The following SNAP47 variants were observed in gnomAD, a reference collection of about 807,000 sequenced individuals.
SNAP47 encodes synaptosome associated protein 47.
A neutral mutation model predicts 31.4 loss-of-function variants in SNAP47; 20 were observed. That is an observed-to-expected ratio of 0.64 (90% CI 0.45 to 0.93). The LOEUF (loss-of-function observed/expected upper bound fraction) is 0.93, where lower values mean the gene tolerates loss of function less well. Ranked by LOEUF, SNAP47 falls within the 40% of genes least tolerant of loss-of-function variation. SNAP47 has a pLI of 0.00. For synonymous variants in SNAP47, 194 were observed against 213.4 expected, an observed-to-expected ratio of 0.91 and a Z score of 0.79; for missense variants, 492 against 528.5, an observed-to-expected ratio of 0.93 and a Z score of 0.68.
At chr1:227,774,722 TA>T (rs1664047973) in intron 4 of SNAP47, among the ~76,000 whole-genome samples, 1 of 152,274 alleles carries the variant, frequency 6.6e-6, no homozygotes, top group South Asian at 2.1e-4. Flanking sequence ...AGCCACATTT[TA>T]GTGCATTTTC....
chr1:227,729,449 T>C (rs577409468), intron 1 of SNAP47, among the ~76,000 whole-genome samples: 1 of 152,074 alleles, frequency 6.6e-6, no homozygotes, highest in Non-Finnish European at 1.5e-5. Context: ...GCTGGCACAA[T>C]CACCTGCCAA....
chr1:227,773,985 A>G (rs1028311497), intron 4 of SNAP47, among the ~76,000 whole-genome samples: 1 of 152,162 alleles, frequency 6.6e-6, no homozygotes, highest in East Asian at 1.9e-4. Flanking sequence ...TGGTTGTTTA[A>G]TTTGTAAACA....
Position 227,747,970 on chromosome 1 carries a change from C to T in SNAP47, c.234C>T (p.His78=). The change falls in exon 2 of 5, where the codon CAC becomes CAT. Residue 78 remains histidine, a synonymous_variant. Transcript: ENST00000617596. ...TCCTGGAGAAGGGCCATGCCAAGCA[C>T]TGGTTCAGCTCCCTGCGGCCAAGTC... is the stretch of plus-strand genomic sequence containing the variant. ...ITILEKGHAK[H]WFSSLRPSRN... 2 of 1,614,242 alleles carry T rather than the reference C, an allele frequency of 1.2e-6. No individual in the cohort carries two copies. The highest frequency in any genetic ancestry group is 1.7e-6 in the Non-Finnish European group (2 of 1,180,052).
chr1:227,760,420 T>C (rs1662988458), intron 3 of SNAP47, among the ~76,000 whole-genome samples: 1 of 152,176 alleles, frequency 6.6e-6, no homozygotes, highest in South Asian at 2.1e-4. Context: ...TTCTGTGTGT[T>C]TGTGGCATTC....
At chr1:227,778,019 G>A (rs990981563) in intron 4 of SNAP47, among the ~76,000 whole-genome samples, 4 of 152,242 alleles carry the variant, frequency 2.6e-5, no homozygotes, top group African/African-American at 7.2e-5. Context: ...TTTCATTCAG[G>A]ATAGCTATAG....
upstream of SNAP47, chr1:227,732,375 T>C: frequency 6.2e-7 from 1 of 1,608,790 alleles, no homozygotes; most frequent in Non-Finnish European, 8.5e-7. Context: ...CCCGTCCTTC[T>C]ATCCTCACGA....
At chr1:227,774,085 CCTCCCAGTCCGTGGCCCAT>C (rs1047362400) in intron 4 of SNAP47, among the ~76,000 whole-genome samples, 3 of 152,202 alleles carry the variant, frequency 2.0e-5, no homozygotes, top group African/African-American at 7.2e-5. Flanking sequence ...TTGAGGGCTG[CCTCCCAGTCCGTGGCCCAT>C]CTCCCAGCCT....
At chr1:227,761,208 G>T (rs1375132045) in intron 3 of SNAP47, among the ~76,000 whole-genome samples, 1 of 152,182 alleles carries the variant, frequency 6.6e-6, no homozygotes, top group African/African-American at 2.4e-5. Flanking sequence ...TCTCTTAAGA[G>T]AAAGATTTCA....
chr1:227,772,000 A>G (rs1663845998), intron 4 of SNAP47, among the ~76,000 whole-genome samples: 1 of 152,066 alleles, frequency 6.6e-6, no homozygotes, highest in South Asian at 2.1e-4. Context: ...GGTCAAGCAG[A>G]GACCGAGTGC....
At position 227,780,518 on chromosome 1, in the gene SNAP47, T is replaced by G. The variant is rs1337194791; in HGVS notation, c.1114-9T>G. On this transcript the variant is annotated splice_polypyrimidine_tract_variant and intron_variant, in intron 4 of 4. Coordinates refer to ENST00000617596, the MANE Select transcript of SNAP47 (RefSeq NM_053052.4). The stretch of plus-strand genomic sequence containing the variant: ...GCAGCCTCTGCTGTGATCTTGTGCT[T>G]CTCCCCAGATCCTGAGGAGGATGAA... The G allele has an allele frequency of 6.2e-7, 1 of 1,613,732 alleles. No homozygotes were observed. The highest frequency in any genetic ancestry group is 1.7e-5 in the Admixed American group (1 of 60,004).
chr1:227,732,792 TGAGAAGCTGCGCGGTGACCAA>T, upstream of SNAP47: 1 of 1,592,416 alleles, frequency 6.3e-7, no homozygotes, highest in Non-Finnish European at 8.5e-7. Flanking sequence ...ACAGAGGCAC[TGAGAAGCTGCGCGGTGACCAA>T]GGGAGTCTGA....
At chr1:227,734,841 C>A (rs1449252920), upstream of SNAP47, 1 of 1,612,774 alleles carries the variant, frequency 6.2e-7, no homozygotes, top group Non-Finnish European at 8.5e-7. Flanking sequence ...ACGGTCCATG[C>A]CATCTCCCTG....
intron 1 of SNAP47, among the ~76,000 whole-genome samples, chr1:227,744,354 C>T (rs1158959564): frequency 6.6e-6 from 1 of 152,060 alleles, no homozygotes; most frequent in Admixed American, 6.6e-5. Context: ...GGCATGTATG[C>T]ATGTCTGGGA....
At chr1:227,733,504 G>A (rs1351861157), upstream of SNAP47, 6 of 1,595,898 alleles carry the variant, frequency 3.8e-6, no homozygotes, top group Non-Finnish European at 5.1e-6. Context: ...CAGCAAGCTG[G>A]TTCCGTGGGT....
chr1:227,747,812 C>A lies in SNAP47; in HGVS notation c.76C>A (p.Gln26Lys), dbSNP rs757689741. ...LEPKRRWVTG[Q>K]LSLTSLSLRF... ...GCCCAAGAGGCGATGGGTTACTGGA[C>A]AGCTGTCCTTAACATCGCTGTCGCT... Residue 26 changes from glutamine to lysine, a missense_variant, in exon 2 of 5, where the codon CAG (glutamine) becomes AAG (lysine). Coordinates refer to ENST00000617596, the MANE Select transcript of SNAP47 (RefSeq NM_053052.4). The A allele has an allele frequency of 6.2e-7, 1 of 1,614,186 alleles. No homozygotes were observed. The highest frequency in any genetic ancestry group is 1.1e-5 in the South Asian group (1 of 91,070).
chr1:227,732,551 G>C, upstream of SNAP47: 1 of 1,613,374 alleles, frequency 6.2e-7, no homozygotes, highest in Non-Finnish European at 8.5e-7. Flanking sequence ...CTGCCTGTTC[G>C]AAACCCAACC....
At chr1:227,753,817 C>T (rs1241617449) in intron 2 of SNAP47, among the ~76,000 whole-genome samples, 3 of 152,054 alleles carry the variant, frequency 2.0e-5, no homozygotes, top group East Asian at 3.9e-4. Flanking sequence ...GCCCAAACCT[C>T]CTAGGGGAGC....
At chr1:227,745,870 A>C (rs1175353380) in intron 1 of SNAP47, 1 of 152,304 alleles carries the variant, frequency 6.6e-6, no homozygotes, top group East Asian at 1.9e-4. Context: ...GCTGCTCGCC[A>C]CGCAGGCATT....
chr1:227,735,099 T>C, upstream of SNAP47: 1 of 1,574,320 alleles, frequency 6.4e-7, no homozygotes, highest in Admixed American at 1.8e-5. Flanking sequence ...GTGAAGGCGC[T>C]GGAAAACACG....
Sources: gnomAD v4.1 joint callset for allele counts (sites outside exome capture counted in the v4.1 genomes callset) on GRCh38, gnomAD v4.1.1 for gene constraint, MANE v1.5 for transcripts, NCBI Gene and HGNC (gene_info 2026-07-23, HGNC 2026-07-21) for gene names.